NEXMIF: variants seen among roughly 807,000 people sequenced by gnomAD.
NEXMIF encodes neurite extension and migration factor.
In NEXMIF, 8 loss-of-function variants were observed where a neutral mutation model predicts 62.1. The ratio of observed to expected loss-of-function variants is 0.13; its 90% CI spans 0.08 to 0.23. The LOEUF is 0.23. Among genes scored for constraint, NEXMIF ranks in the 10% least tolerant of loss-of-function variants. NEXMIF has a pLI of 1.00. For synonymous variants in NEXMIF, 404 were observed against 416.6 expected, an observed-to-expected ratio of 0.97 and a Z score of 0.37; for missense variants, 976 against 1,113.3, an observed-to-expected ratio of 0.88 and a Z score of 1.75.
At chrX:74,827,994 GA>G (rs1569350931) in intron 1 of NEXMIF, among the ~76,000 whole-genome samples, 1 of 111,670 alleles carries the variant, frequency 9.0e-6, no homozygotes, top group African/African-American at 3.3e-5. Flanking sequence ...TTATGTAGTG[GA>G]AAAAATAGCA....
At chrX:74,764,744 T>C (rs1168102601) in intron 1 of NEXMIF, among the ~76,000 whole-genome samples, 1 of 112,164 alleles carries the variant, frequency 8.9e-6, no homozygotes, top group Non-Finnish European at 1.9e-5. Flanking sequence ...GTGAGTTTTT[T>C]TTTAGTCCTG....
Position 74,735,328 on chromosome X carries a change from C to A in NEXMIF, c.*4077G>T, listed in dbSNP as rs1001261736. 2 of 111,784 alleles carry A rather than the reference C, an allele frequency of 1.8e-5. No individual in the cohort carries two copies. The highest frequency in any genetic ancestry group is 6.5e-5 in the African/African-American group (2 of 30,740). 9.2% of individuals were successfully genotyped at this position (111,784 alleles called of 1,213,427 possible). ...TCAATTCTTGGAACTGTTCTGAGAG[C>A]ATCTGTAAGCTGAAGACATGTTGGA... On this transcript the variant is annotated 3_prime_UTR_variant, in exon 4 of 4. Transcript: ENST00000055682.
intron 1 of NEXMIF, among the ~76,000 whole-genome samples, chrX:74,808,877 G>T (rs1267275078): frequency 8.9e-6 from 1 of 112,186 alleles, no homozygotes; most frequent in African/African-American, 3.2e-5. Context: ...GTTTTTGCAT[G>T]CTATGATTTC....
rs1185746614 is a variant in NEXMIF at position 74,732,980 on chromosome X, CT to C, written c.*6424del. ...CAATTTGTTTTAAGGTCTTTGAAGA[CT>C]GGACACACTAGAAGATGATTCCTCA... is the stretch of plus-strand genomic sequence containing the variant. On this transcript the variant is annotated 3_prime_UTR_variant, in exon 4 of 4. Coordinates refer to ENST00000055682, the MANE Select transcript of NEXMIF (RefSeq NM_001008537.3). 2 of 112,077 alleles carry C rather than the reference CT, an allele frequency of 1.8e-5. No homozygotes were observed. The highest frequency in any genetic ancestry group is 6.5e-5 in the African/African-American group (2 of 30,868). 9.2% of individuals were successfully genotyped at this position (112,077 alleles called of 1,213,427 possible). A position where few individuals can be genotyped will look rare whatever the true frequency, so the allele number is the denominator to read the frequency against.
At chrX:74,786,075 TA>T (rs1237010201) in intron 1 of NEXMIF, among the ~76,000 whole-genome samples, 1 of 112,311 alleles carries the variant, frequency 8.9e-6, no homozygotes, top group Non-Finnish European at 1.9e-5. Flanking sequence ...CGGTGGGTTT[TA>T]AGGCCCTGGG....
chrX:74,868,832 T>C (rs756505000), intron 1 of NEXMIF, among the ~76,000 whole-genome samples: 3 of 111,212 alleles, frequency 2.7e-5, no homozygotes, highest in South Asian at 3.8e-4. Context: ...TTCGAAGCCA[T>C]AATAAAAAGT....
chrX:74,764,037 T>C (rs1225049116), intron 1 of NEXMIF, among the ~76,000 whole-genome samples: 1 of 111,601 alleles, frequency 9.0e-6, no homozygotes, highest in African/African-American at 3.3e-5. Context: ...GGCATCCCTG[T>C]CTTGTGCCCG....
chrX:74,769,633 G>A (rs918752638), intron 1 of NEXMIF: 4 of 621,751 alleles, frequency 6.4e-6, no homozygotes, highest in South Asian at 2.3e-5. Context: ...ATTCAGTCAC[G>A]GTATCCGAAC....
At chrX:74,896,178 C>G (rs1199330445) in intron 1 of NEXMIF, among the ~76,000 whole-genome samples, 1 of 111,629 alleles carries the variant, frequency 9.0e-6, no homozygotes, top group African/African-American at 3.3e-5. Context: ...CCTCAGCAAC[C>G]ACCACTCTCC....
At chrX:74,887,948 A>G (rs2147363408) in intron 1 of NEXMIF, among the ~76,000 whole-genome samples, 1 of 112,303 alleles carries the variant, frequency 8.9e-6, no homozygotes, top group African/African-American at 3.2e-5. Context: ...CATATACACC[A>G]TGGAATACTA....
At chrX:74,811,968 A>G (rs939734548) in intron 1 of NEXMIF, among the ~76,000 whole-genome samples, 3 of 113,078 alleles carry the variant, frequency 2.7e-5, no homozygotes, top group Non-Finnish European at 5.6e-5. Context: ...TGAACATAAG[A>G]GGAAGAAAAG....
At chrX:74,916,547 T>G (rs907982716) in intron 1 of NEXMIF, among the ~76,000 whole-genome samples, 1 of 111,557 alleles carries the variant, frequency 9.0e-6, no homozygotes, top group African/African-American at 3.3e-5. Context: ...AGACCTGAGC[T>G]AGCACATTCA....
chrX:74,844,468 C>T (rs2080484758), intron 1 of NEXMIF, among the ~76,000 whole-genome samples: 2 of 111,503 alleles, frequency 1.8e-5, no homozygotes, highest in Admixed American at 1.9e-4. Flanking sequence ...CTCCATCTTC[C>T]AGGTCCCCTT....
intron 1 of NEXMIF, among the ~76,000 whole-genome samples, chrX:74,855,248 C>A (rs1729981185): frequency 9.0e-6 from 1 of 111,567 alleles, no homozygotes. Context: ...ACAGAGAACC[C>A]AGAAACAAAG....
chrX:74,898,169 T>A (rs2080738320), intron 1 of NEXMIF, among the ~76,000 whole-genome samples: 1 of 111,896 alleles, frequency 8.9e-6, no homozygotes, highest in Non-Finnish European at 1.9e-5. Context: ...CCCTGGAGAA[T>A]CCTGATAAAC....
intron 1 of NEXMIF, among the ~76,000 whole-genome samples, chrX:74,813,733 T>C (rs1449956735): frequency 8.9e-6 from 1 of 112,281 alleles, no homozygotes; most frequent in African/African-American, 3.2e-5. Context: ...ATCAATGATG[T>C]ATTACCAGTA....
chrX:74,847,001 A>G (rs1036756326), intron 1 of NEXMIF, among the ~76,000 whole-genome samples: 1 of 112,378 alleles, frequency 8.9e-6, no homozygotes, highest in Non-Finnish European at 1.9e-5. Flanking sequence ...TCATCTTTAG[A>G]AAAGAAACCA....
At chrX:74,885,563 C>T (rs2080688534) in intron 1 of NEXMIF, among the ~76,000 whole-genome samples, 2 of 111,420 alleles carry the variant, frequency 1.8e-5, no homozygotes, top group African/African-American at 6.5e-5. Flanking sequence ...TGGATAAATT[C>T]CTCGACACAT....
At chrX:74,907,691 T>C (rs2080773988) in intron 1 of NEXMIF, among the ~76,000 whole-genome samples, 1 of 111,585 alleles carries the variant, frequency 9.0e-6, no homozygotes, top group African/African-American at 3.3e-5. Context: ...AAATAAAATA[T>C]AGGAGTCCTT....
Sources: allele counts gnomAD v4.1 joint callset (sites outside exome capture counted in the v4.1 genomes callset), GRCh38; gene constraint gnomAD v4.1.1; transcripts MANE v1.5; gene names NCBI Gene and HGNC (gene_info 2026-07-23, HGNC 2026-07-21).